Variants in ALCAM observed in about 807,000 individuals in gnomAD.
The protein encoded by ALCAM is activated leukocyte cell adhesion molecule.
Under a neutral mutation model 70.9 loss-of-function variants are expected in ALCAM, and 30 were observed. The observed-to-expected ratio is 0.42, with a 90% confidence interval of 0.32 to 0.57. ALCAM has a LOEUF of 0.57. Ranked by LOEUF, ALCAM falls within the 20% of genes least tolerant of loss-of-function variation. The pLI is 0.11. For synonymous variants in ALCAM, 249 were observed against 242.5 expected (o/e 1.03, Z -0.25); for missense variants, 591 against 695.1 (o/e 0.85, Z 1.68).
chr3:105,383,393 T>G (rs887429815), intron 1 of ALCAM, among the ~76,000 whole-genome samples: 3 of 151,782 alleles, frequency 2.0e-5, no homozygotes, highest in Admixed American at 6.6e-5. Context: ...AAATTAGATT[T>G]CTTAGTCTAC....
At chr3:105,516,965 A>T (rs1415318427) in intron 1 of ALCAM, among the ~76,000 whole-genome samples, 1 of 152,078 alleles carries the variant, frequency 6.6e-6, no homozygotes, top group Non-Finnish European at 1.5e-5. Context: ...GCTAAACTCA[A>T]TTTTTAGACT....
chr3:105,541,553 T>A, intron 7 of ALCAM, 80 bp from the exon 8 acceptor site: 1 of 1,442,462 alleles, frequency 6.9e-7, no homozygotes, highest in South Asian at 1.3e-5. Context: ...CTTGATAAAA[T>A]GCTATCTTCA....
rs528993839 is a variant in ALCAM at position 105,410,781 on chromosome 3, C to G, written c.73+43300C>G. Among the ~76,000 whole-genome samples, 4 of 152,136 alleles carry G rather than the reference C, an allele frequency of 2.6e-5. No individual in the cohort carries two copies. The South Asian group carries it at 8.3e-4, about 32-fold the overall frequency. ...GAAAAAATGTTTGATGAATGCAGTA[C>G]TCTCTTGTGAGGGTTTGTATGAAGA... On this transcript the variant is annotated intron_variant, in intron 1 of 15. Transcript: ENST00000306107.
chr3:105,545,466 T>G, intron 9 of ALCAM, 131 bp downstream of exon 9: 2 of 593,560 alleles, frequency 3.4e-6, no homozygotes, highest in Middle Eastern at 3.0e-4. Flanking sequence ...TCTCTCTCTG[T>G]TTCTGATAAG....
chr3:105,501,399 A>T (rs1250153368), intron 1 of ALCAM, among the ~76,000 whole-genome samples: 1 of 152,222 alleles, frequency 6.6e-6, no homozygotes, highest in Non-Finnish European at 1.5e-5. Context: ...TACATTCTGA[A>T]TAATATTTGG....
At position 105,547,270 on chromosome 3, in the gene ALCAM, C is replaced by T. The variant is rs946011237; in HGVS notation, c.1226C>T (p.Thr409Ile). ...VEGLKKRESL[T>I]LIVEGKPQIK... ...GGACTAAAGAAAAGAGAGTCATTGA[C>T]TCTCATTGTAGAAGGTAATAAAATA... Residue 409 changes from threonine to isoleucine, a missense_variant, in exon 10 of 16, where the codon ACT (threonine) becomes ATT (isoleucine). Around this residue, in one of 2 missense-constraint regions of ALCAM, gnomAD observed 164 missense variants for 244.7 expected, o/e 0.67. Coordinates refer to ENST00000306107, the MANE Select transcript of ALCAM (RefSeq NM_001627.4). 6.3e-7 allele frequency: 1 copy of T among 1,595,234 alleles called. No homozygotes were observed. The highest frequency in any genetic ancestry group is 1.8e-5 in the Admixed American group (1 of 56,052).
chr3:105,469,482 T>A (rs1289093577), intron 1 of ALCAM, among the ~76,000 whole-genome samples: 2 of 151,218 alleles, frequency 1.3e-5, no homozygotes, highest in Middle Eastern at 3.4e-3. Flanking sequence ...TTGAAGGCAA[T>A]GGAGACAGAC....
chr3:105,544,532 T>C (rs1298530994), intron 8 of ALCAM: 2 of 151,668 alleles, frequency 1.3e-5, no homozygotes, highest in Admixed American at 6.6e-5. Context: ...CTGTGTGTTA[T>C]AGTCAGCATA....
chr3:105,461,919 T>G (rs1157575109), intron 1 of ALCAM, among the ~76,000 whole-genome samples: 1 of 151,680 alleles, frequency 6.6e-6, no homozygotes, highest in Non-Finnish European at 1.5e-5. Context: ...GAGAAACAGG[T>G]CAGCTCCAGC....
chr3:105,464,926 T>C (rs970706235), intron 1 of ALCAM, among the ~76,000 whole-genome samples: 1 of 151,368 alleles, frequency 6.6e-6, no homozygotes, highest in Non-Finnish European at 1.5e-5. Flanking sequence ...CGTCACCCAA[T>C]CTCTTTCCAG....
intron 1 of ALCAM, among the ~76,000 whole-genome samples, chr3:105,424,813 C>A (rs1384716265): frequency 6.6e-6 from 1 of 151,642 alleles, no homozygotes; most frequent in Non-Finnish European, 1.5e-5. Context: ...TTATAAGAAA[C>A]AAATGATACG....
chr3:105,516,617 A>G (rs1023092059), intron 1 of ALCAM, among the ~76,000 whole-genome samples: 2 of 152,130 alleles, frequency 1.3e-5, no homozygotes, highest in African/African-American at 4.8e-5. Context: ...CTTCTCAAGT[A>G]TGACACATTT....
intron 1 of ALCAM, among the ~76,000 whole-genome samples, chr3:105,493,425 T>A (rs1174611010): frequency 2.0e-5 from 3 of 152,168 alleles, no homozygotes; most frequent in African/African-American, 7.2e-5. Flanking sequence ...TGAAATATGT[T>A]AATTTACATG....
At chr3:105,572,915 C>T (rs1322948223) in intron 15 of ALCAM, among the ~76,000 whole-genome samples, 1 of 152,176 alleles carries the variant, frequency 6.6e-6, no homozygotes, top group African/African-American at 2.4e-5. Context: ...AATGCAAAAA[C>T]TTTAAGTGCA....
intron 1 of ALCAM, among the ~76,000 whole-genome samples, chr3:105,383,894 T>C (rs1576123964): frequency 6.6e-6 from 1 of 151,742 alleles, no homozygotes; most frequent in South Asian, 2.1e-4. Context: ...ATGGTAATAT[T>C]AGTTCTTCTA....
chr3:105,559,223 AC>A (rs1413906050), intron 14 of ALCAM, among the ~76,000 whole-genome samples: 4 of 148,142 alleles, frequency 2.7e-5, no homozygotes, highest in Admixed American at 1.4e-4. Flanking sequence ...TTACATATAT[AC>A]ATGTATACAT....
chr3:105,502,602 C>G (rs1231988900), intron 1 of ALCAM, among the ~76,000 whole-genome samples: 1 of 152,222 alleles, frequency 6.6e-6, no homozygotes, highest in Non-Finnish European at 1.5e-5. Flanking sequence ...CCCTTTTGTA[C>G]AGCTGGGAAA....
At chr3:105,463,049 T>C (rs964068006) in intron 1 of ALCAM, among the ~76,000 whole-genome samples, 1 of 151,526 alleles carries the variant, frequency 6.6e-6, no homozygotes, top group African/African-American at 2.4e-5. Flanking sequence ...TAGTCTTTCA[T>C]AGCTGACGTA....
At chr3:105,498,593 G>A (rs1157600324) in intron 1 of ALCAM, among the ~76,000 whole-genome samples, 1 of 151,982 alleles carries the variant, frequency 6.6e-6, no homozygotes, top group African/African-American at 2.4e-5. Context: ...TAAGGTATTA[G>A]TCTTGTTCCA....
Sources: gnomAD v4.1 joint callset for allele counts (sites outside exome capture counted in the v4.1 genomes callset) on GRCh38, gnomAD v4.1.1 for gene constraint, gnomAD v4.1.1 regional missense constraint, MANE v1.5 for transcripts, NCBI Gene and HGNC (gene_info 2026-07-23, HGNC 2026-07-21) for gene names.